Variants in LARGE1 observed in about 807,000 individuals in gnomAD.
The protein encoded by LARGE1 is xylosyl- and glucuronyltransferase LARGE1.
LARGE1 carries 43 observed loss-of-function variants against 87.6 expected under a neutral mutation model. The ratio of observed to expected loss-of-function variants is 0.49; its 90% CI spans 0.38 to 0.63. The LOEUF is 0.63. LARGE1 is among the 30% of genes least tolerant of loss of function. LARGE1 has a pLI of 0.00. For missense variants in LARGE1, 802 were observed against 1,000.2 expected, an observed-to-expected ratio of 0.80 and a Z score of 2.67; for synonymous variants, 434 against 394.6, an observed-to-expected ratio of 1.10 and a Z score of -1.18.
At chr22:33,829,163 C>T (rs1005495742) in intron 1 of LARGE1, among the ~76,000 whole-genome samples, 1 of 151,866 alleles carries the variant, frequency 6.6e-6, no homozygotes, top group South Asian at 2.1e-4. Context: ...CACGTGCCAC[C>T]GTGCCTGGCT....
At chr22:33,504,678 T>C (rs1214315765) in intron 6 of LARGE1, among the ~76,000 whole-genome samples, 1 of 152,204 alleles carries the variant, frequency 6.6e-6, no homozygotes, top group Admixed American at 6.5e-5. Context: ...TTTCTCTCTC[T>C]AAGCTTTAGT....
intron 1 of LARGE1, among the ~76,000 whole-genome samples, chr22:33,817,087 T>C (rs546329752): frequency 1.1e-4 from 17 of 152,310 alleles, no homozygotes; most frequent in South Asian, 8.3e-4. Context: ...TATACGTATA[T>C]AGACATACAT....
At chr22:33,219,662 A>G (rs1925366127) in intron 11 of LARGE1, among the ~76,000 whole-genome samples, 1 of 152,178 alleles carries the variant, frequency 6.6e-6, no homozygotes, top group African/African-American at 2.4e-5. Flanking sequence ...TGATTCCTTA[A>G]ATCCTATTGG....
At chr22:33,242,089 T>A (rs1182784042) in intron 11 of LARGE1, among the ~76,000 whole-genome samples, 2 of 152,194 alleles carry the variant, frequency 1.3e-5, no homozygotes, top group Admixed American at 6.5e-5. Flanking sequence ...TAAACATATA[T>A]CAAAACATCA....
the LARGE1 span, among the ~76,000 whole-genome samples, chr22:33,145,765 T>C: frequency 6.6e-6 from 1 of 152,188 alleles, no homozygotes; most frequent in Admixed American, 6.5e-5. Context: ...TCTAGTATCA[T>C]TCAATGGTGA....
chr22:33,916,730 C>T lies in LARGE1; in HGVS notation c.-83+3265G>A, dbSNP rs372574363. ...CAAAAAGACACCTTCATCTTGTTCA[C>T]GGACCGTAAGGAAGGCCAGCCTCCT... On this transcript the variant is annotated intron_variant, in intron 1 of 14. Coordinates refer to ENST00000397394, the MANE Select transcript of LARGE1 (RefSeq NM_133642.5). Among the ~76,000 whole-genome samples, 65 of 152,312 alleles carry T rather than the reference C, an allele frequency of 4.3e-4. 1 individual carries two copies. In the South Asian group the frequency reaches 5.2e-3, roughly 12 times the overall value.
intron 2 of LARGE1, among the ~76,000 whole-genome samples, chr22:33,719,097 G>C (rs914073996): frequency 6.6e-6 from 1 of 152,042 alleles, no homozygotes; most frequent in Non-Finnish European, 1.5e-5. Context: ...CTGTATCTTT[G>C]TTTTCAACAA....
chr22:33,129,414 G>A, the LARGE1 span, among the ~76,000 whole-genome samples: 97 of 152,260 alleles, frequency 6.4e-4, no homozygotes, highest in Non-Finnish European at 1.5e-4. Context: ...GAAAACTGGT[G>A]AAATTGCAAT....
At chr22:33,307,908 T>A (rs1397667026) in intron 11 of LARGE1, among the ~76,000 whole-genome samples, 1 of 152,068 alleles carries the variant, frequency 6.6e-6, no homozygotes, top group African/African-American at 2.4e-5. Flanking sequence ...CCCGTGCAGT[T>A]CTTGCTGATG....
At chr22:33,104,889 C>CTCTCTCTCTTTCTTTCTT in the LARGE1 span, among the ~76,000 whole-genome samples, 9 of 89,230 alleles carry the variant, frequency 1.0e-4, no homozygotes, top group South Asian at 4.5e-4. Flanking sequence ...GACTTTCTCT[C>CTCTCTCTCTTTCTTTCTT]TCTTTCTTTC....
intron 1 of LARGE1, among the ~76,000 whole-genome samples, chr22:33,899,006 A>G (rs1272111138): frequency 6.6e-6 from 1 of 152,144 alleles, no homozygotes; most frequent in African/African-American, 2.4e-5. Context: ...CAGGACCACA[A>G]ACCCCTGCTG....
chr22:33,394,230 G>A (rs1451760557), intron 7 of LARGE1, among the ~76,000 whole-genome samples: 1 of 135,510 alleles, frequency 7.4e-6, no homozygotes, highest in Non-Finnish European at 1.5e-5. Context: ...ACAGAGTCTC[G>A]CTCTGTCACC....
intron 4 of LARGE1, among the ~76,000 whole-genome samples, chr22:33,617,686 G>T (rs1388763681): frequency 6.6e-6 from 1 of 152,160 alleles, no homozygotes; most frequent in Admixed American, 6.5e-5. Context: ...GCATGCCTGG[G>T]TTACTGCAAC....
At chr22:33,700,566 G>A (rs762507481) in intron 2 of LARGE1, among the ~76,000 whole-genome samples, 4 of 152,128 alleles carry the variant, frequency 2.6e-5, no homozygotes, top group Admixed American at 6.5e-5. Context: ...CAAGAGTCCC[G>A]GTGGACTTCA....
At chr22:33,704,952 T>C (rs1287815884) in intron 2 of LARGE1, 1 of 152,244 alleles carries the variant, frequency 6.6e-6, no homozygotes, top group Non-Finnish European at 1.5e-5. Flanking sequence ...GGACCCACAC[T>C]AAGGAGGACC....
chr22:33,316,014 T>A, intron 11 of LARGE1, 71 bp downstream of exon 11: 1 of 1,536,228 alleles, frequency 6.5e-7, no homozygotes. Flanking sequence ...AGGCACACCC[T>A]TCTCCATTCT....
chr22:33,600,346 AG>A (rs552676792), intron 5 of LARGE1, among the ~76,000 whole-genome samples: 34 of 152,304 alleles, frequency 2.2e-4, no homozygotes, highest in African/African-American at 7.9e-4. Flanking sequence ...TGGGATACAA[AG>A]GTGGTGAAAA....
At chr22:33,776,062 C>T (rs5999095) in intron 1 of LARGE1, among the ~76,000 whole-genome samples, 53,848 of 151,876 alleles carry the variant, frequency 0.35, 9,677 homozygotes, top group Admixed American at 0.42. Flanking sequence ...TGAAAGGTTC[C>T]AAGGATGTTT....
chr22:33,365,946 G>A (rs2064572432), intron 9 of LARGE1, among the ~76,000 whole-genome samples: 1 of 152,144 alleles, frequency 6.6e-6, no homozygotes, highest in African/African-American at 2.4e-5. Context: ...CTGTTTGATT[G>A]AGTTATTGAT....
Sources: gnomAD v4.1 joint callset for allele counts (sites outside exome capture counted in the v4.1 genomes callset) on GRCh38, gnomAD v4.1.1 for gene constraint, MANE v1.5 for transcripts, NCBI Gene and HGNC (gene_info 2026-07-23, HGNC 2026-07-21) for gene names.